The following PCYOX1 variants were observed in gnomAD, a reference collection of about 807,000 sequenced individuals.
PCYOX1 encodes prenylcysteine lyase.
A neutral mutation model predicts 46.4 loss-of-function variants in PCYOX1; 46 were observed. That is an observed-to-expected ratio of 0.99 (90% confidence interval 0.78 to 1.27). The LOEUF is 1.27. PCYOX1 is among the 50% of genes most tolerant of loss of function. The pLI, the probability that PCYOX1 is intolerant of heterozygous loss-of-function variation, is 0.00. For missense variants in PCYOX1, 658 were observed against 628.3 expected, an observed-to-expected ratio of 1.05 and a Z score of -0.51; for synonymous variants, 220 against 231.8, an observed-to-expected ratio of 0.95 and a Z score of 0.46.
chr2:70,261,543 C>A lies in PCYOX1; in HGVS notation c.494+157C>A, dbSNP rs187521684. On this transcript the variant is annotated intron_variant, in intron 3 of 5. Transcript: ENST00000433351. Reference sequence around the variant, plus strand: ...GGCAAAATGTTTTGTAGAAACTATGCAGACTATTTGCTTGGATATTGAAAG... The same window carrying A: ...GGCAAAATGTTTTGTAGAAACTATGAAGACTATTTGCTTGGATATTGAAAG... Among the ~76,000 whole-genome samples the A allele has an allele frequency of 1.2e-4, 18 of 152,302 alleles. No individual in the cohort carries two copies. The East Asian group carries it at 3.3e-3, about 28-fold the overall frequency.
intron 3 of PCYOX1, among the ~76,000 whole-genome samples, chr2:70,266,993 G>A (rs899143529): frequency 1.3e-5 from 2 of 152,122 alleles, no homozygotes; most frequent in South Asian, 4.1e-4. Context: ...CCTCCCAGAC[G>A]GGGTGGCGGC....
At chr2:70,273,629 G>A (rs1696630971) in intron 3 of PCYOX1, among the ~76,000 whole-genome samples, 1 of 152,174 alleles carries the variant, frequency 6.6e-6, no homozygotes, top group South Asian at 2.1e-4. Context: ...CTAACTATAA[G>A]CCCCTTAAGG....
At chr2:70,274,856 AC>A in intron 3 of PCYOX1, 102 bp from the exon 4 acceptor site, 1 of 776,614 alleles carries the variant, frequency 1.3e-6, no homozygotes, top group Non-Finnish European at 2.3e-6. Context: ...GAGCCACTGC[AC>A]CTAGATGTCA....
chr2:70,263,518 A>G (rs976587761), intron 3 of PCYOX1, among the ~76,000 whole-genome samples: 1 of 152,172 alleles, frequency 6.6e-6, no homozygotes, highest in Non-Finnish European at 1.5e-5. Context: ...GAGACAGGCA[A>G]TACACAACCA....
intron 3 of PCYOX1, 52 bp from the exon 4 acceptor site, chr2:70,274,907 C>A: frequency 9.0e-7 from 1 of 1,105,352 alleles, no homozygotes; most frequent in Non-Finnish European, 1.4e-6. Context: ...TTTATACATC[C>A]CCTTCCCCAC....
Position 70,280,756 on chromosome 2 carries a change from T to C in PCYOX1, c.*3364T>C, listed in dbSNP as rs1203122037. The C allele has an allele frequency of 6.6e-6, 1 of 152,230 alleles. No individual in the cohort carries two copies. The highest frequency in any genetic ancestry group is 2.4e-5 in the African/African-American group (1 of 41,456). 9.4% of individuals were successfully genotyped at this position (152,230 alleles called of 1,614,324 possible). On this transcript the variant is annotated 3_prime_UTR_variant, in exon 6 of 6. Coordinates refer to ENST00000433351, the MANE Select transcript of PCYOX1 (RefSeq NM_016297.4). ...TCTTGTTCTTTTGTTGTAAACATTT[T>C]CTATAATTAGGAAATGCCATTTAAG...
intron 3 of PCYOX1, among the ~76,000 whole-genome samples, chr2:70,262,456 G>A (rs917991620): frequency 2.7e-5 from 4 of 149,960 alleles, no homozygotes; most frequent in Non-Finnish European, 5.9e-5. Flanking sequence ...GTGAGCTACC[G>A]AGCTTGGCCG....
At chr2:70,271,718 T>C (rs1429753652) in intron 3 of PCYOX1, among the ~76,000 whole-genome samples, 1 of 152,156 alleles carries the variant, frequency 6.6e-6, no homozygotes, top group Admixed American at 6.6e-5. Flanking sequence ...TTGTAATGTT[T>C]ACTTCAAGTG....
At chr2:70,257,981 A>G, upstream of PCYOX1, 1 of 465,138 alleles carries the variant, frequency 2.1e-6, no homozygotes, top group Non-Finnish European at 3.7e-6. Flanking sequence ...TGAGTGGCCC[A>G]GAGTGGGGAG....
rs1696379102 is a variant in PCYOX1, at chr2:70,258,356, C to T, written c.112+80C>T. On this transcript the variant is annotated intron_variant, in intron 1 of 5. Transcript: ENST00000433351. ...GGCCGCTGCGCAGTGCGCCCAGATC[C>T]CACAGCCGCGACGCAGTCCAGCGGT... The T allele has an allele frequency of 1.9e-5, 17 of 883,468 alleles. No homozygotes were observed. In the South Asian group the frequency reaches 2.9e-4, roughly 15 times the overall value. The allele number at this position is 883,468 out of a possible 1,614,324, so 54.7% of individuals were successfully genotyped here. A position where few individuals can be genotyped will look rare whatever the true frequency, so the allele number is the denominator to read the frequency against.
intron 5 of PCYOX1, 120 bp from the exon 6 acceptor site, chr2:70,276,614 A>T: frequency 1.6e-6 from 1 of 638,440 alleles, no homozygotes; most frequent in Non-Finnish European, 2.7e-6. Context: ...CAACTATCTT[A>T]AGGGATATAA....
chr2:70,270,266 G>T (rs1696584723), intron 3 of PCYOX1, among the ~76,000 whole-genome samples: 1 of 152,178 alleles, frequency 6.6e-6, no homozygotes, highest in Non-Finnish European at 1.5e-5. Flanking sequence ...AGAGTGCTGG[G>T]ATTACAGGTG....
Position 70,259,717 on chromosome 2 carries a change from G to A in PCYOX1, c.319+151G>A. On this transcript the variant is annotated intron_variant, in intron 2 of 5. Coordinates refer to ENST00000433351, the MANE Select transcript of PCYOX1 (RefSeq NM_016297.4). Reference sequence around the variant, plus strand: ...CCTCACTTTCTTGTTAGTTGGTACTGCCTGAGTTAGGAGCAGTTCTGCTGT... The same window carrying A: ...CCTCACTTTCTTGTTAGTTGGTACTACCTGAGTTAGGAGCAGTTCTGCTGT... The A allele has an allele frequency of 4.6e-6, 3 of 651,826 alleles. No homozygotes were observed. In the South Asian group the frequency reaches 5.4e-5, roughly 12 times the overall value. 40.4% of individuals were successfully genotyped at this position (651,826 alleles called of 1,614,324 possible).
chr2:70,270,893 A>G (rs1276505894), intron 3 of PCYOX1, among the ~76,000 whole-genome samples: 1 of 151,338 alleles, frequency 6.6e-6, no homozygotes, highest in Non-Finnish European at 1.5e-5. Flanking sequence ...ACGCCCGGCT[A>G]ATTTTGTATT....
At chr2:70,267,002 G>A (rs889240807) in intron 3 of PCYOX1, among the ~76,000 whole-genome samples, 1 of 152,120 alleles carries the variant, frequency 6.6e-6, no homozygotes. Flanking sequence ...CGGGGTGGCG[G>A]CTGGGCAGAG....
At position 70,277,405 on chromosome 2, in the gene PCYOX1, C is replaced by G; in HGVS notation, c.*13C>G. ...AACTGAACTATGAAGTGACACACTC[C>G]TTTTTCCCCTCCTAGTTCCAAATGA... On this transcript the variant is annotated 3_prime_UTR_variant, in exon 6 of 6. Transcript: ENST00000433351. The G allele has an allele frequency of 6.4e-7, 1 of 1,564,662 alleles. No individual in the cohort carries two copies. The highest frequency in any genetic ancestry group is 1.8e-5 in the Admixed American group (1 of 55,176).
chr2:70,277,273 A>T lies in PCYOX1; in HGVS notation c.1399A>T (p.Met467Leu). ...TGGCATAGAGTGTGCAGCAAGTGCC[A>T]TGGAGATGAGTGCCATTGCAGCCCA... ...LNGIECAASAMEMSAIAAHNA... is the reference protein window; with the variant it reads ...LNGIECAASALEMSAIAAHNA... Residue 467 changes from methionine to leucine, a missense_variant, in exon 6 of 6, where the codon ATG (methionine) becomes TTG (leucine). Physicochemically the swap from Met to Leu is conservative, Grantham distance 15 (BLOSUM62 2). Transcript: ENST00000433351. The T allele has an allele frequency of 6.2e-7, 1 of 1,614,138 alleles. No homozygotes were observed. Among genetic ancestry groups the T allele is most frequent in the Non-Finnish European group, 8.5e-7 (1 of 1,180,018 alleles).
Position 70,258,261 on chromosome 2 carries a change from C to A in PCYOX1, c.97C>A (p.Pro33Thr). 1 of 1,589,292 alleles carries A rather than the reference C, an allele frequency of 6.3e-7. No homozygotes were observed. The highest frequency in any genetic ancestry group is 8.5e-7 in the Non-Finnish European group (1 of 1,173,762). Residue 33 changes from proline (P) to threonine (T), a missense_variant, in exon 1 of 6, where the codon CCG (proline) becomes ACG (threonine). Coordinates refer to ENST00000433351, the MANE Select transcript of PCYOX1 (RefSeq NM_016297.4). ...CCCCGAGGGCGCCGAGCTGCGTGCT[C>A]CGCCAGATAAAATCGGTAGGCGAGA... Reference protein sequence around the residue: ...GCPEGAELRAPPDKIAIIGAG... With the variant: ...GCPEGAELRATPDKIAIIGAG...
intron 3 of PCYOX1, among the ~76,000 whole-genome samples, chr2:70,268,209 T>C (rs1263281141): frequency 6.6e-6 from 1 of 152,174 alleles, no homozygotes; most frequent in Non-Finnish European, 1.5e-5. Context: ...TACTGTTATA[T>C]TGCTACCATT....
Sources: gnomAD v4.1 joint callset for allele counts (sites outside exome capture counted in the v4.1 genomes callset) on GRCh38, gnomAD v4.1.1 for gene constraint, MANE v1.5 for transcripts, NCBI Gene and HGNC (gene_info 2026-07-23, HGNC 2026-07-21) for gene names.